EXOC6: variants seen among roughly 807,000 people sequenced by gnomAD.
EXOC6 encodes SEC15-like 1.
A neutral mutation model predicts 112.5 loss-of-function variants in EXOC6; 60 were observed. That is an observed-to-expected ratio of 0.53 (90% CI 0.43 to 0.66). The LOEUF is 0.66. Ranked by LOEUF, EXOC6 falls within the 30% of genes least tolerant of loss-of-function variation. The pLI, the probability that EXOC6 is intolerant of heterozygous loss-of-function variation, is 0.00. For synonymous variants in EXOC6, 295 were observed against 308.0 expected, an observed-to-expected ratio of 0.96 and a Z score of 0.44; for missense variants, 855 against 957.1, an observed-to-expected ratio of 0.89 and a Z score of 1.41.
chr10:92,836,892 G>C (rs1846676033), intron 1 of EXOC6, among the ~76,000 whole-genome samples: 1 of 152,102 alleles, frequency 6.6e-6, no homozygotes, highest in Admixed American at 6.5e-5. Flanking sequence ...CTGGAGCTTA[G>C]GGTTCCTTTC....
upstream of EXOC6, among the ~76,000 whole-genome samples, chr10:92,847,435 G>A (rs1181320236): frequency 6.6e-6 from 1 of 152,208 alleles, no homozygotes; most frequent in Non-Finnish European, 1.5e-5. Context: ...TGGGGAGGAG[G>A]CTGGAGGTAG....
chr10:92,906,160 C>A (rs1850430707), intron 5 of EXOC6, among the ~76,000 whole-genome samples: 1 of 152,098 alleles, frequency 6.6e-6, no homozygotes, highest in African/African-American at 2.4e-5. Context: ...AGCTGATCTA[C>A]CTTTCTTTCG....
At chr10:92,952,052 G>T (rs1853449249) in intron 14 of EXOC6, among the ~76,000 whole-genome samples, 1 of 152,104 alleles carries the variant, frequency 6.6e-6, no homozygotes, top group Admixed American at 6.5e-5. Flanking sequence ...TTCTCTGCTT[G>T]TTGGAAGTCT....
chr10:92,904,021 T>G (rs1242677214), intron 5 of EXOC6, among the ~76,000 whole-genome samples: 2 of 152,112 alleles, frequency 1.3e-5, no homozygotes, highest in Non-Finnish European at 2.9e-5. Context: ...AGTTTTATCT[T>G]TTCCAGAATG....
chr10:92,926,052 T>A (rs4933243), intron 8 of EXOC6, among the ~76,000 whole-genome samples: 16,309 of 139,694 alleles, frequency 0.12, 1,005 homozygotes, highest in Admixed American at 0.2. Flanking sequence ...GTGGACTTTT[T>A]AAAAAAAAAA....
intron 17 of EXOC6, among the ~76,000 whole-genome samples, chr10:92,959,971 C>T (rs981795516): frequency 8.5e-5 from 13 of 152,172 alleles, no homozygotes; most frequent in African/African-American, 2.7e-4. Context: ...GAAAGTGAAA[C>T]GCAGTCTTAC....
intron 19 of EXOC6, among the ~76,000 whole-genome samples, chr10:93,012,603 AT>A (rs1669169002): frequency 6.6e-6 from 1 of 152,212 alleles, no homozygotes; most frequent in Non-Finnish European, 1.5e-5. Context: ...ATTGTTTTTA[AT>A]TGTTGATTTT....
chr10:93,010,170 G>A (rs1844175713), intron 19 of EXOC6, among the ~76,000 whole-genome samples: 1 of 152,150 alleles, frequency 6.6e-6, no homozygotes, highest in South Asian at 2.1e-4. Context: ...CTCTGTGCCA[G>A]ATGATTATCA....
At chr10:92,966,559 A>G (rs985421587) in intron 17 of EXOC6, among the ~76,000 whole-genome samples, 1 of 150,484 alleles carries the variant, frequency 6.6e-6, no homozygotes, top group Non-Finnish European at 1.5e-5. Context: ...GGTCCTTGCG[A>G]TAGTTTACTG....
At chr10:92,932,263 A>C (rs1227072357) in intron 9 of EXOC6, among the ~76,000 whole-genome samples, 3 of 152,140 alleles carry the variant, frequency 2.0e-5, no homozygotes, top group Non-Finnish European at 4.4e-5. Context: ...CTAGGACAGA[A>C]TGGGATCAGT....
intron 5 of EXOC6, among the ~76,000 whole-genome samples, chr10:92,907,422 T>G (rs1015411172): frequency 9.9e-5 from 15 of 152,218 alleles, no homozygotes; most frequent in Non-Finnish European, 4.4e-5. Context: ...GTAAGTCTTA[T>G]GACCTCTCTT....
chr10:92,964,849 A>G (rs1841979196), intron 17 of EXOC6, among the ~76,000 whole-genome samples: 1 of 152,154 alleles, frequency 6.6e-6, no homozygotes, highest in Non-Finnish European at 1.5e-5. Flanking sequence ...TCGTCAGACT[A>G]CTTATAGTGG....
At chr10:93,035,235 T>C (rs1423511395) in intron 20 of EXOC6, among the ~76,000 whole-genome samples, 2 of 152,212 alleles carry the variant, frequency 1.3e-5, no homozygotes, top group African/African-American at 2.4e-5. Context: ...CGGAAGTTTA[T>C]AGTTTATGTG....
chr10:92,834,408 C>G (rs1846595190), upstream of EXOC6, among the ~76,000 whole-genome samples: 1 of 152,108 alleles, frequency 6.6e-6, no homozygotes. Flanking sequence ...AGTGTAATGA[C>G]TGTAATTCCT....
intron 20 of EXOC6, among the ~76,000 whole-genome samples, chr10:93,015,051 T>C (rs1844437908): frequency 6.6e-6 from 1 of 152,126 alleles, no homozygotes; most frequent in Non-Finnish European, 1.5e-5. Flanking sequence ...TCAGGAGTGC[T>C]AGAATAGACA....
intron 1 of EXOC6, among the ~76,000 whole-genome samples, chr10:92,888,367 A>G (rs578028296): frequency 1.3e-5 from 2 of 152,370 alleles, no homozygotes; most frequent in South Asian, 2.1e-4. Context: ...TAAAACTTTG[A>G]AGAATATATT....
chr10:92,954,228 T>C (rs1369589330), intron 15 of EXOC6, among the ~76,000 whole-genome samples: 2 of 152,172 alleles, frequency 1.3e-5, no homozygotes, highest in Non-Finnish European at 2.9e-5. Flanking sequence ...TACAGTGAGC[T>C]ATAATTGCAC....
intron 5 of EXOC6, among the ~76,000 whole-genome samples, chr10:92,905,055 A>G (rs1419551566): frequency 2.0e-5 from 3 of 152,186 alleles, no homozygotes; most frequent in Non-Finnish European, 4.4e-5. Context: ...TATTTAAAGA[A>G]CGACTCTTTT....
chr10:92,926,548 AAAAG>A (rs1199248625), intron 8 of EXOC6, among the ~76,000 whole-genome samples: 1 of 151,822 alleles, frequency 6.6e-6, no homozygotes, highest in Non-Finnish European at 1.5e-5. Context: ...AAGAAAGAAA[AAAAG>A]AGATGAGGTC....
Sources: allele counts gnomAD v4.1 joint callset (sites outside exome capture counted in the v4.1 genomes callset), GRCh38; gene constraint gnomAD v4.1.1; transcripts MANE v1.5; gene names NCBI Gene and HGNC (gene_info 2026-07-23, HGNC 2026-07-21).